The following ADRA1D variants were observed in gnomAD, a reference collection of about 807,000 sequenced individuals.
ADRA1D encodes the protein adrenoceptor alpha 1D.
In ADRA1D, 22 loss-of-function variants were observed where a neutral mutation model predicts 18.6. That is an observed-to-expected ratio of 1.19 (90% confidence interval 0.85 to 1.69). ADRA1D has a LOEUF of 1.69. ADRA1D is among the 40% of genes most tolerant of loss of function. The pLI is 0.00. For missense variants in ADRA1D, 840 were observed against 840.7 expected (o/e 1.00, Z 0.01); for synonymous variants, 376 against 388.2 (o/e 0.97, Z 0.37).
intron 1 of ADRA1D, among the ~76,000 whole-genome samples, chr20:4,246,675 CAT>C (rs1431402021): frequency 1.3e-5 from 2 of 152,200 alleles, no homozygotes; most frequent in African/African-American, 4.8e-5. Context: ...TGTAAATATT[CAT>C]AGTGTCCTAT....
chr20:4,224,056 A>T (rs923911493), intron 1 of ADRA1D, among the ~76,000 whole-genome samples: 9 of 152,174 alleles, frequency 5.9e-5, no homozygotes, highest in Non-Finnish European at 1.5e-5. Context: ...CGGGCAAGAA[A>T]ATACCAAGTT....
At position 4,220,809 on chromosome 20, in the gene ADRA1D, T is replaced by C. The variant is rs576511567; in HGVS notation, c.*714A>G. 1 of 152,682 alleles carries C rather than the reference T, an allele frequency of 6.5e-6. No homozygotes were observed. The highest frequency in any genetic ancestry group is 1.5e-5 in the Non-Finnish European group (1 of 68,052). The allele number at this position is 152,682 out of a possible 1,614,324, so 9.5% of individuals were successfully genotyped here. ...CAAAATGACAAATAAAGCTCTCCAA[T>C]TGGTGGCTTGGAATCCCAGCAAGAA... On this transcript the variant is annotated 3_prime_UTR_variant, in exon 2 of 2. Transcript: ENST00000379453.
chr20:4,237,029 G>A (rs186800403), intron 1 of ADRA1D, among the ~76,000 whole-genome samples: 11 of 152,266 alleles, frequency 7.2e-5, no homozygotes, highest in African/African-American at 1.4e-4. Context: ...AATACAGGCT[G>A]TCTGAGGGGC....
In ADRA1D at chr20:4,224,573, T is replaced by C. The variant is rs538378851; in HGVS notation, c.1112-2443A>G. 8.6e-5 allele frequency among the ~76,000 whole-genome samples: 13 copies of C among 151,146 alleles called. 1 individual carries two copies. Among genetic ancestry groups the C allele is most frequent in the South Asian group, 4.2e-4 (2 of 4,796 alleles). Reference sequence around the variant, plus strand: ...GGGGTGTTCCATCCTGGATAGAGGCTGCAGGTGCCTGTGAGACCAAGCGGG... The same window carrying C: ...GGGGTGTTCCATCCTGGATAGAGGCCGCAGGTGCCTGTGAGACCAAGCGGG... On this transcript the variant is annotated intron_variant, in intron 1 of 1. Transcript: ENST00000379453.
At chr20:4,229,066 C>G (rs991182305) in intron 1 of ADRA1D, among the ~76,000 whole-genome samples, 1 of 152,216 alleles carries the variant, frequency 6.6e-6, no homozygotes, top group Non-Finnish European at 1.5e-5. Flanking sequence ...TTGGTTTTTC[C>G]TACTCCTTGT....
chr20:4,247,765 G>A (rs889957618), intron 1 of ADRA1D, 82 bp downstream of exon 1: 27 of 1,394,596 alleles, frequency 1.9e-5, no homozygotes, highest in Middle Eastern at 1.9e-4. Context: ...TCAGGTGGGG[G>A]TCGCCCAAGT....
intron 1 of ADRA1D, among the ~76,000 whole-genome samples, chr20:4,244,937 G>A (rs1039467103): frequency 1.3e-5 from 2 of 152,206 alleles, no homozygotes; most frequent in African/African-American, 4.8e-5. Context: ...TGAGAAGCCT[G>A]GTGCAGCACA....
intron 1 of ADRA1D, among the ~76,000 whole-genome samples, chr20:4,224,418 T>C (rs1980743512): frequency 6.6e-6 from 1 of 152,202 alleles, no homozygotes; most frequent in East Asian, 1.9e-4. Flanking sequence ...ATCCATACCA[T>C]GGACCCAGAA....
Position 4,248,921 on chromosome 20 carries a change from C to A in ADRA1D, c.37G>T (p.Gly13Ter). The change falls in exon 1 of 2, where the codon GGA becomes TGA. Residue 13 changes from glycine to a stop codon, truncating the protein, a stop_gained. Coordinates refer to ENST00000379453, the MANE Select transcript of ADRA1D (RefSeq NM_000678.4). LOFTEE classifies it high-confidence loss of function. ...FRDLLSVSFEGPRPDSSAGGS... is the reference protein window; with the variant it reads ...FRDLLSVSFE The stretch of plus-strand genomic sequence containing the variant: ...CCTGCGCTGCTGTCCGGGCGGGGTC[C>A]CTCGAAACTGACGCTCAGGAGATCG... 2 of 1,342,622 alleles carry A rather than the reference C, an allele frequency of 1.5e-6. No homozygotes were observed. The highest frequency in any genetic ancestry group is 9.7e-7 in the Non-Finnish European group (1 of 1,034,990). The allele number at this position is 1,342,622 out of a possible 1,614,324, so 83.2% of individuals were successfully genotyped here. A position where few individuals can be genotyped will look rare whatever the true frequency, so the allele number is the denominator to read the frequency against.
rs1980667826 is a variant in ADRA1D at position 4,221,667 on chromosome 20, G to T, written c.1575C>A (p.Gly525=). 6.2e-7 allele frequency: 1 copy of T among 1,612,496 alleles called. No individual in the cohort carries two copies. The highest frequency in any genetic ancestry group is 1.1e-5 in the South Asian group (1 of 91,030). The change falls in exon 2 of 2, where the codon GGC becomes GGA. Residue 525 remains glycine, a synonymous_variant. Coordinates refer to ENST00000379453, the MANE Select transcript of ADRA1D (RefSeq NM_000678.4). ...SSLSHKIRAG[G]AQRAEAACAQ... The stretch of plus-strand genomic sequence containing the variant: ...CGCACGCTGCCTCTGCGCGCTGCGC[G>T]CCCCCGGCGCGGATCTTGTGCGACA...
At chr20:4,231,392 TC>T (rs1172917186) in intron 1 of ADRA1D, among the ~76,000 whole-genome samples, 1 of 151,980 alleles carries the variant, frequency 6.6e-6, no homozygotes, top group African/African-American at 2.4e-5. Flanking sequence ...GTGCTGGGAT[TC>T]CAGGAGTAAG....
intron 1 of ADRA1D, among the ~76,000 whole-genome samples, chr20:4,235,619 A>G (rs1240567347): frequency 6.6e-6 from 1 of 152,224 alleles, no homozygotes; most frequent in Non-Finnish European, 1.5e-5. Context: ...ACACTGACAA[A>G]TGGCTCCTGG....
intron 1 of ADRA1D, among the ~76,000 whole-genome samples, chr20:4,227,745 TCCTTC>T (rs1980850674): frequency 8.0e-6 from 1 of 124,888 alleles, no homozygotes; most frequent in African/African-American, 2.8e-5. Context: ...CTTCCTTCCT[TCCTTC>T]TTCTCTCTCT....
At chr20:4,231,644 T>C (rs1399612671) in intron 1 of ADRA1D, among the ~76,000 whole-genome samples, 6 of 152,196 alleles carry the variant, frequency 3.9e-5, no homozygotes, top group Non-Finnish European at 2.9e-5. Context: ...CTGGGCCTTT[T>C]ATGTAGTTCT....
intron 1 of ADRA1D, among the ~76,000 whole-genome samples, chr20:4,241,641 C>G (rs186837649): frequency 4.6e-5 from 7 of 152,036 alleles, no homozygotes; most frequent in African/African-American, 1.4e-4. Flanking sequence ...GCTTTTGGGC[C>G]GGGAGACAAT....
Position 4,222,237 on chromosome 20 carries a change from CTAGGAGT to C in ADRA1D, c.1112-114_1112-108del. 1 of 1,455,346 alleles carries C rather than the reference CTAGGAGT, an allele frequency of 6.9e-7. No individual in the cohort carries two copies. Among genetic ancestry groups the C allele is most frequent in the Non-Finnish European group, 9.1e-7 (1 of 1,099,056 alleles). The allele number at this position is 1,455,346 out of a possible 1,614,324, so 90.2% of individuals were successfully genotyped here. On this transcript the variant is annotated intron_variant, in intron 1 of 1. Coordinates refer to ENST00000379453, the MANE Select transcript of ADRA1D (RefSeq NM_000678.4). The surrounding 1 kb of genome is among the most constrained non-coding windows in gnomAD (Gnocchi z 4.3). The stretch of plus-strand genomic sequence containing the variant: ...TCAGTAGCCTTGGCTGAGTCATTGA[CTAGGAGT>C]TCTCAAGGGATCCGTGCTGTAAATC...
chr20:4,246,214 C>T (rs1307970817), intron 1 of ADRA1D, among the ~76,000 whole-genome samples: 10 of 152,128 alleles, frequency 6.6e-5, no homozygotes, highest in Non-Finnish European at 1.5e-4. Flanking sequence ...ACCCAGGTGA[C>T]ACAGCCCTGC....
At chr20:4,232,972 G>A (rs1024565666) in intron 1 of ADRA1D, among the ~76,000 whole-genome samples, 1 of 152,054 alleles carries the variant, frequency 6.6e-6, no homozygotes, top group African/African-American at 2.4e-5. Flanking sequence ...CTGGCTTCCC[G>A]CCCTCCCTCA....
intron 1 of ADRA1D, among the ~76,000 whole-genome samples, chr20:4,233,919 G>A (rs1011753399): frequency 6.6e-6 from 1 of 152,222 alleles, no homozygotes; most frequent in African/African-American, 2.4e-5. Flanking sequence ...GTTCTCCCAT[G>A]TGCTGAGTCG....
Sources: gnomAD v4.1 joint callset for allele counts (sites outside exome capture counted in the v4.1 genomes callset) on GRCh38, gnomAD v4.1.1 for gene constraint, Gnocchi (gnomAD v3.1) non-coding constraint, MANE v1.5 for transcripts, NCBI Gene and HGNC (gene_info 2026-07-23, HGNC 2026-07-21) for gene names.